The following FAM171B variants were observed in gnomAD, a reference collection of about 807,000 sequenced individuals.
FAM171B encodes the protein protein FAM171B.
A neutral mutation model predicts 75.6 loss-of-function variants in FAM171B; 19 were observed. The observed-to-expected ratio is 0.25, with a 90% CI of 0.18 to 0.37. FAM171B has a LOEUF of 0.37. Among genes scored for constraint, FAM171B ranks in the 10% least tolerant of loss-of-function variants. The pLI is 1.00. For synonymous variants in FAM171B, 367 were observed against 361.7 expected, an observed-to-expected ratio of 1.01 and a Z score of -0.17; for missense variants, 848 against 982.4, an observed-to-expected ratio of 0.86 and a Z score of 1.83.
Position 186,753,997 on chromosome 2 carries a change from T to C in FAM171B, c.960T>C (p.Tyr320=), listed in dbSNP as rs1237907794. 5 of 1,613,228 alleles carry C rather than the reference T, an allele frequency of 3.1e-6. No homozygotes were observed. The highest frequency in any genetic ancestry group is 3.4e-6 in the Non-Finnish European group (4 of 1,179,654). ...ATAACAATCATTTAATCTGGACATA[T>C]GATGCACCACATTTGGGGTACTGGA... ...KEHNNHLIWT[Y]DAPHLGYWIA... is the part of the protein sequence containing the mutation. The change falls in exon 6 of 8, where the codon TAT becomes TAC. Residue 320 remains tyrosine, a synonymous_variant. Coordinates refer to ENST00000304698, the MANE Select transcript of FAM171B (RefSeq NM_177454.4).
At chr2:186,714,056 T>A (rs1252459265) in intron 1 of FAM171B, among the ~76,000 whole-genome samples, 1 of 152,232 alleles carries the variant, frequency 6.6e-6, no homozygotes, top group African/African-American at 2.4e-5. Flanking sequence ...TTTGCTAGCC[T>A]TGGCATTGTG....
intron 6 of FAM171B, among the ~76,000 whole-genome samples, chr2:186,758,708 G>A (rs548230954): frequency 1.3e-5 from 2 of 152,046 alleles, no homozygotes; most frequent in African/African-American, 4.8e-5. Flanking sequence ...ATGATTGATA[G>A]GTGTTTATAT....
Position 186,747,400 on chromosome 2 carries a change from A to G in FAM171B, c.724+150A>G, listed in dbSNP as rs567187484. ...CATAAATCTAGTTATTAAAATGTAT[A>G]TAATAAAAAATTCCCTTTAATGAAA... On this transcript the variant is annotated intron_variant, in intron 4 of 7. Coordinates refer to ENST00000304698, the MANE Select transcript of FAM171B (RefSeq NM_177454.4). 28 of 446,388 alleles carry G rather than the reference A, an allele frequency of 6.3e-5. No homozygotes were observed. In the South Asian group the frequency reaches 2.8e-3, roughly 45 times the overall value. 27.7% of individuals were successfully genotyped at this position (446,388 alleles called of 1,614,324 possible).
At chr2:186,711,078 A>C (rs1236496511) in intron 1 of FAM171B, among the ~76,000 whole-genome samples, 1 of 152,238 alleles carries the variant, frequency 6.6e-6, no homozygotes, top group African/African-American at 2.4e-5. Context: ...AAGTGATGTA[A>C]AAATGAGGAA....
chr2:186,718,731 T>A (rs1188188601), intron 1 of FAM171B, among the ~76,000 whole-genome samples: 2 of 152,216 alleles, frequency 1.3e-5, no homozygotes, highest in Admixed American at 1.3e-4. Flanking sequence ...GCATTTTACT[T>A]AATTCCTGGT....
chr2:186,736,567 G>GTGTGTGTGTGTGTGGGAGA lies in FAM171B; in HGVS notation c.239-3661_239-3660insTGTGTGTGTGTGTGGGAGA, dbSNP rs55683607. 4.8e-5 allele frequency among the ~76,000 whole-genome samples: 5 copies of GTGTGTGTGTGTGTGGGAGA among 104,628 alleles called. No homozygotes were observed. In the Admixed American group the frequency reaches 5.1e-4, roughly 11 times the overall value. The allele number at this position is 104,628 out of a possible 152,430, so 68.6% of individuals were successfully genotyped here. A position where few individuals can be genotyped will look rare whatever the true frequency, so the allele number is the denominator to read the frequency against. ...GTGTGTGTGTGTGTGTGTGTGTGTGGGAGAGAGAGAGAGAGAGAGAGAATG... is the reference window on the plus strand; with the variant it reads ...GTGTGTGTGTGTGTGTGTGTGTGTGGTGTGTGTGTGTGTGGGAGAGAGAGAGAGAGAGAGAGAGAGAATG... On this transcript the variant is annotated intron_variant, in intron 1 of 7. Coordinates refer to ENST00000304698, the MANE Select transcript of FAM171B (RefSeq NM_177454.4).
chr2:186,709,958 C>CT, intron 1 of FAM171B, among the ~76,000 whole-genome samples: 1 of 152,054 alleles, frequency 6.6e-6, no homozygotes, highest in East Asian at 1.9e-4. Flanking sequence ...ATGAAATTTT[C>CT]TTTTTTTCGG....
At position 186,740,211 on chromosome 2, in the gene FAM171B, T is replaced by C. The variant is rs377188282; in HGVS notation, c.239-17T>C. 1.3e-6 allele frequency: 2 copies of C among 1,591,376 alleles called. No individual in the cohort carries two copies. The highest frequency in any genetic ancestry group is 1.7e-6 in the Non-Finnish European group (2 of 1,159,800). ...CTAGGATACGACATGCTGCAATTTC[T>C]ACCTTTTTCTCTCCAGTGTCTGTAT... On this transcript the variant is annotated splice_polypyrimidine_tract_variant and intron_variant, in intron 1 of 7. Coordinates refer to ENST00000304698, the MANE Select transcript of FAM171B (RefSeq NM_177454.4).
chr2:186,708,796 A>G (rs184976451), intron 1 of FAM171B, among the ~76,000 whole-genome samples: 621 of 152,314 alleles, frequency 4.1e-3, no homozygotes, highest in African/African-American at 0.014. Context: ...CCAACCAACC[A>G]AAAGAAATGT....
At chr2:186,717,062 C>G (rs1689885409) in intron 1 of FAM171B, among the ~76,000 whole-genome samples, 1 of 152,032 alleles carries the variant, frequency 6.6e-6, no homozygotes, top group Non-Finnish European at 1.5e-5. Flanking sequence ...AGAAATGGAG[C>G]CGGGATTAGA....
In FAM171B at chr2:186,764,989, A is replaced by C. The variant is rs1690678212; in HGVS notation, c.*2166A>C. The stretch of plus-strand genomic sequence containing the variant: ...ATTTTTGTGTAAGGGAAATGAGATG[A>C]TGTATCCCAAGGGCTTTTCTAGAAC... On this transcript the variant is annotated 3_prime_UTR_variant, in exon 8 of 8. Transcript: ENST00000304698. The C allele has an allele frequency of 6.6e-6, 1 of 152,002 alleles. No homozygotes were observed. 9.4% of individuals were successfully genotyped at this position (152,002 alleles called of 1,614,324 possible). A position where few individuals can be genotyped will look rare whatever the true frequency, so the allele number is the denominator to read the frequency against.
intron 1 of FAM171B, among the ~76,000 whole-genome samples, chr2:186,725,271 G>A (rs1464841010): frequency 5.9e-5 from 9 of 151,424 alleles, no homozygotes; most frequent in Admixed American, 5.9e-4. Context: ...GTTAACCCGG[G>A]AGGCGGAGCT....
chr2:186,747,211 A>C lies in FAM171B; in HGVS notation c.685A>C (p.Asn229His), dbSNP rs751024804. The C allele has an allele frequency of 6.2e-7, 1 of 1,606,104 alleles. No individual in the cohort carries two copies. Among genetic ancestry groups the C allele is most frequent in the African/African-American group, 1.3e-5 (1 of 74,642 alleles). Residue 229 changes from asparagine (N) to histidine (H), a missense_variant, in exon 4 of 8, where the codon AAT (asparagine) becomes CAT (histidine). Physicochemically the swap from Asn to His is moderately conservative, Grantham distance 68. This residue lies in a region of FAM171B where 665 missense variants were observed against 729.0 expected (regional missense o/e 0.91). Coordinates refer to ENST00000304698, the MANE Select transcript of FAM171B (RefSeq NM_177454.4). ...TVLQQFLKVD[N>H]FLHTTGITLN... ...TCTACAACAGTTTTTGAAAGTGGAC[A>C]ATTTTCTGCATACAACTGGAATTAC...
intron 1 of FAM171B, among the ~76,000 whole-genome samples, chr2:186,723,623 A>C (rs1689987035): frequency 2.0e-5 from 3 of 152,226 alleles, no homozygotes; most frequent in South Asian, 4.1e-4. Flanking sequence ...GTTGGTCCTA[A>C]TCTTGCATTT....
chr2:186,726,013 T>C (rs368852214), intron 1 of FAM171B, among the ~76,000 whole-genome samples: 4 of 152,316 alleles, frequency 2.6e-5, no homozygotes, highest in South Asian at 4.1e-4. Flanking sequence ...TGTTCTCTGT[T>C]GAGTTGTCTA....
At chr2:186,728,948 A>G (rs920242751) in intron 1 of FAM171B, among the ~76,000 whole-genome samples, 14 of 152,164 alleles carry the variant, frequency 9.2e-5, no homozygotes, top group African/African-American at 2.9e-4. Flanking sequence ...GTATTTTTAA[A>G]GCCCTTTTGG....
In FAM171B at chr2:186,762,627, A is replaced by G. The variant is rs1337482093; in HGVS notation, c.2285A>G (p.His762Arg). 10 of 1,613,260 alleles carry G rather than the reference A, an allele frequency of 6.2e-6. No homozygotes were observed. The African/African-American group carries it at 1.3e-4, about 22-fold the overall frequency. ...VCSPEDPALR[H>R]ILDGGSGVIM... ...TCCCCTGAGGACCCAGCTTTAAGGC[A>G]CATCCTAGATGGAGGGAGTGGAGTG... Residue 762 changes from histidine to arginine, a missense_variant, in exon 8 of 8, where the codon CAC becomes CGC. His to Arg is a conservative substitution (Grantham distance 29). Transcript: ENST00000304698. The surrounding 1 kb of genome is among the most constrained non-coding windows in gnomAD (Gnocchi z 4.0).
At chr2:186,751,364 G>A in intron 5 of FAM171B, 60 bp downstream of exon 5, 2 of 1,390,678 alleles carry the variant, frequency 1.4e-6, no homozygotes, top group Non-Finnish European at 1.9e-6. Flanking sequence ...TGACTAGCTG[G>A]ATGTTTTATC....
At position 186,735,009 on chromosome 2, in the gene FAM171B, G is replaced by C. The variant is rs146336433; in HGVS notation, c.239-5219G>C. On this transcript the variant is annotated intron_variant, in intron 1 of 7. Coordinates refer to ENST00000304698, the MANE Select transcript of FAM171B (RefSeq NM_177454.4). The stretch of plus-strand genomic sequence containing the variant: ...GGAAGGGAGCTTCCTGGGCCCCTGA[G>C]AGCAGAGGGATGCTGGGGTCTGCAG... Among the ~76,000 whole-genome samples, 182 of 152,350 alleles carry C rather than the reference G, an allele frequency of 1.2e-3. 2 individuals are homozygous for C. In the East Asian group the frequency reaches 0.032, roughly 27 times the overall value.
Sources: gnomAD v4.1 joint callset for allele counts (sites outside exome capture counted in the v4.1 genomes callset) on GRCh38, gnomAD v4.1.1 for gene constraint, gnomAD v4.1.1 regional missense constraint, Gnocchi (gnomAD v3.1) non-coding constraint, MANE v1.5 for transcripts, NCBI Gene and HGNC (gene_info 2026-07-23, HGNC 2026-07-21) for gene names.